Variants in PDGFD observed in about 807,000 individuals in gnomAD.
PDGFD encodes platelet-derived growth factor D.
PDGFD carries 30 observed loss-of-function variants against 44.7 expected under a neutral mutation model. The ratio of observed to expected loss-of-function variants is 0.67; its 90% CI spans 0.50 to 0.91. PDGFD has a LOEUF of 0.91. Ranked by LOEUF, PDGFD falls within the 40% of genes least tolerant of loss-of-function variation. The pLI is 0.00. For synonymous variants in PDGFD, 173 were observed against 168.4 expected (o/e 1.03, Z -0.21); for missense variants, 445 against 457.8 (o/e 0.97, Z 0.25).
At chr11:103,955,150 C>G (rs1281321764) in intron 3 of PDGFD, among the ~76,000 whole-genome samples, 5 of 111,938 alleles carry the variant, frequency 4.5e-5, no homozygotes, top group Non-Finnish European at 7.0e-5. Flanking sequence ...GGCGACAGAG[C>G]GAGACTCCGT....
At chr11:104,151,204 T>G (rs1486878456) in intron 1 of PDGFD, among the ~76,000 whole-genome samples, 1 of 152,102 alleles carries the variant, frequency 6.6e-6, no homozygotes, top group Non-Finnish European at 1.5e-5. Flanking sequence ...TTCTTATCTT[T>G]AGGAATGTCC....
At chr11:104,120,820 G>A (rs1028811000) in intron 1 of PDGFD, among the ~76,000 whole-genome samples, 1 of 151,896 alleles carries the variant, frequency 6.6e-6, no homozygotes, top group African/African-American at 2.4e-5. Flanking sequence ...CCTGTCACAA[G>A]GAGCCTACTA....
intron 1 of PDGFD, among the ~76,000 whole-genome samples, chr11:104,044,764 C>T (rs1335353877): frequency 2.0e-5 from 3 of 152,110 alleles, no homozygotes; most frequent in African/African-American, 4.8e-5. Context: ...CTTGGCCGGG[C>T]GTGGTGGCTC....
At chr11:103,987,516 T>G (rs1451450743) in intron 3 of PDGFD, among the ~76,000 whole-genome samples, 4 of 152,168 alleles carry the variant, frequency 2.6e-5, no homozygotes, top group Non-Finnish European at 4.4e-5. Flanking sequence ...CCTTGAGCCC[T>G]CCCAAGCATC....
At chr11:103,971,870 C>T (rs116067858) in intron 3 of PDGFD, among the ~76,000 whole-genome samples, 324 of 152,262 alleles carry the variant, frequency 2.1e-3, no homozygotes, top group African/African-American at 7.6e-3. Flanking sequence ...TTGCCCACTT[C>T]GGGAATACTC....
chr11:104,069,706 A>G (rs1485509610), intron 1 of PDGFD, among the ~76,000 whole-genome samples: 1 of 152,132 alleles, frequency 6.6e-6, no homozygotes, highest in African/African-American at 2.4e-5. Context: ...TAAAAATACA[A>G]AAAATTAGCT....
chr11:103,967,481 C>G lies in PDGFD; in HGVS notation c.511-19757G>C, dbSNP rs865874213. Reference sequence around the variant, plus strand: ...CTGCTCTCCATATCGTTGTGTATCTCTCTTGCTAATATCTCTCTCTTCGAT... The same window carrying G: ...CTGCTCTCCATATCGTTGTGTATCTGTCTTGCTAATATCTCTCTCTTCGAT... On this transcript the variant is annotated intron_variant, in intron 3 of 6. Coordinates refer to ENST00000393158, the MANE Select transcript of PDGFD (RefSeq NM_025208.5). Among the ~76,000 whole-genome samples, 4 of 152,208 alleles carry G rather than the reference C, an allele frequency of 2.6e-5. No individual in the cohort carries two copies. In the South Asian group the frequency reaches 8.3e-4, roughly 31 times the overall value.
At chr11:104,004,900 A>C (rs1859677377) in intron 1 of PDGFD, among the ~76,000 whole-genome samples, 1 of 75,234 alleles carries the variant, frequency 1.3e-5, no homozygotes. Flanking sequence ...TTTTTTTGAG[A>C]CAGTGTCTCA....
intron 1 of PDGFD, among the ~76,000 whole-genome samples, chr11:104,080,592 T>C (rs998486514): frequency 3.9e-5 from 6 of 152,190 alleles, no homozygotes; most frequent in Admixed American, 2.6e-4. Flanking sequence ...TTTATGCATA[T>C]ACTCTGGCGT....
intron 1 of PDGFD, among the ~76,000 whole-genome samples, chr11:104,052,482 T>A (rs1485036001): frequency 1.3e-5 from 2 of 152,204 alleles, no homozygotes; most frequent in Non-Finnish European, 2.9e-5. Flanking sequence ...TGAGATATAG[T>A]AAATATTTAT....
At chr11:104,128,023 A>G (rs1490368618) in intron 1 of PDGFD, among the ~76,000 whole-genome samples, 1 of 152,128 alleles carries the variant, frequency 6.6e-6, no homozygotes, top group African/African-American at 2.4e-5. Flanking sequence ...ATGAGTCATG[A>G]TCAGGAACTA....
At chr11:104,080,321 T>C (rs1017761422) in intron 1 of PDGFD, among the ~76,000 whole-genome samples, 2 of 152,030 alleles carry the variant, frequency 1.3e-5, no homozygotes, top group Non-Finnish European at 2.9e-5. Flanking sequence ...TAAATGATGC[T>C]AAGAAAAAAA....
chr11:103,976,879 T>C (rs1270768502), intron 3 of PDGFD, among the ~76,000 whole-genome samples: 1 of 152,014 alleles, frequency 6.6e-6, no homozygotes, highest in Non-Finnish European at 1.5e-5. Flanking sequence ...GAACCAGCCT[T>C]GCATCCCAGG....
intron 3 of PDGFD, among the ~76,000 whole-genome samples, chr11:103,962,131 G>A (rs190162715): frequency 1.3e-5 from 2 of 152,228 alleles, no homozygotes; most frequent in African/African-American, 4.8e-5. Flanking sequence ...GGTGCCGTTG[G>A]TTTGGAAAAA....
chr11:103,958,332 G>C (rs935778148), intron 3 of PDGFD, among the ~76,000 whole-genome samples: 2 of 151,960 alleles, frequency 1.3e-5, no homozygotes, highest in African/African-American at 2.4e-5. Context: ...TAAAATAAAC[G>C]AATCTTCTTG....
chr11:103,923,365 T>C (rs1858254898), intron 6 of PDGFD, among the ~76,000 whole-genome samples: 1 of 152,178 alleles, frequency 6.6e-6, no homozygotes, highest in Non-Finnish European at 1.5e-5. Flanking sequence ...ATATGACCTG[T>C]GAAAAAAGCA....
At chr11:103,919,534 G>A (rs1858177681) in intron 6 of PDGFD, among the ~76,000 whole-genome samples, 1 of 126,404 alleles carries the variant, frequency 7.9e-6, no homozygotes, top group Admixed American at 8.7e-5. Flanking sequence ...TTGAGATGGA[G>A]TTTCAGTCTT....
intron 1 of PDGFD, among the ~76,000 whole-genome samples, chr11:104,066,259 C>G (rs1334822403): frequency 6.6e-6 from 1 of 151,918 alleles, no homozygotes; most frequent in African/African-American, 2.4e-5. Context: ...TTCTGGGGCT[C>G]TATAACAAAG....
chr11:103,919,502 C>CT (rs71037206), intron 6 of PDGFD, among the ~76,000 whole-genome samples: 11,939 of 88,840 alleles, frequency 0.13, 1,167 homozygotes, highest in East Asian at 0.2. Context: ...AAGATTCTTC[C>CT]TTTTTTTTTT....
Sources: gnomAD v4.1 joint callset for allele counts (sites outside exome capture counted in the v4.1 genomes callset) on GRCh38, gnomAD v4.1.1 for gene constraint, MANE v1.5 for transcripts, NCBI Gene and HGNC (gene_info 2026-07-23, HGNC 2026-07-21) for gene names.